The following DSCAM variants were observed in gnomAD, a reference collection of about 807,000 sequenced individuals.
DSCAM encodes the protein cell adhesion molecule DSCAM.
Under a neutral mutation model 217.7 loss-of-function variants are expected in DSCAM, and 47 were observed. That is an observed-to-expected ratio of 0.22 (90% CI 0.17 to 0.28). The LOEUF (loss-of-function observed/expected upper bound fraction) is 0.28, where lower values mean the gene tolerates loss of function less well. Ranked by LOEUF, DSCAM falls within the 10% of genes least tolerant of loss-of-function variation. The pLI, the probability that DSCAM is intolerant of heterozygous loss-of-function variation, is 1.00. For synonymous variants in DSCAM, 1,056 were observed against 1,015.3 expected (o/e 1.04, Z -0.76); for missense variants, 2,080 against 2,618.3 (o/e 0.79, Z 4.49).
chr21:40,498,456 T>G (rs537887804), intron 3 of DSCAM, among the ~76,000 whole-genome samples: 7 of 151,670 alleles, frequency 4.6e-5, no homozygotes, highest in Non-Finnish European at 8.8e-5. Context: ...ACAACTTCCC[T>G]AGGATTGGAA....
chr21:40,135,153 G>T (rs748510058), intron 18 of DSCAM, among the ~76,000 whole-genome samples: 1 of 152,208 alleles, frequency 6.6e-6, no homozygotes, highest in Non-Finnish European at 1.5e-5. Flanking sequence ...CCTAGGGGAA[G>T]GGGCTGTCAG....
intron 3 of DSCAM, among the ~76,000 whole-genome samples, chr21:40,637,590 TATAA>T (rs2089813881): frequency 2.8e-5 from 2 of 71,676 alleles, no homozygotes; most frequent in South Asian, 4.7e-4. Flanking sequence ...TATATACATA[TATAA>T]ATATATATAT....
At chr21:40,327,304 C>G (rs1218021227) in intron 8 of DSCAM, among the ~76,000 whole-genome samples, 6 of 152,032 alleles carry the variant, frequency 3.9e-5, no homozygotes, top group Non-Finnish European at 8.8e-5. Context: ...TCTAAGTTTC[C>G]CATGTTCAGC....
At chr21:40,723,863 A>G (rs1363400795) in intron 1 of DSCAM, among the ~76,000 whole-genome samples, 3 of 152,220 alleles carry the variant, frequency 2.0e-5, no homozygotes, top group African/African-American at 4.8e-5. Context: ...CTTTTTATCC[A>G]ATATTTGTAC....
At chr21:40,390,671 C>A (rs2075125953) in intron 3 of DSCAM, among the ~76,000 whole-genome samples, 1 of 152,118 alleles carries the variant, frequency 6.6e-6, no homozygotes, top group Non-Finnish European at 1.5e-5. Context: ...GCCTCAATGA[C>A]CCTGGATTAT....
chr21:40,334,789 G>A (rs901264091), intron 8 of DSCAM, among the ~76,000 whole-genome samples: 6 of 152,016 alleles, frequency 3.9e-5, no homozygotes, highest in Non-Finnish European at 5.9e-5. Context: ...CTGGGACTAC[G>A]GGCTCGTCCC....
chr21:40,185,829 G>A (rs920523590), intron 14 of DSCAM, among the ~76,000 whole-genome samples: 2 of 152,136 alleles, frequency 1.3e-5, no homozygotes, highest in Admixed American at 6.5e-5. Context: ...GCACTGTCTT[G>A]GGTGAGCCCC....
intron 8 of DSCAM, among the ~76,000 whole-genome samples, chr21:40,319,549 G>A (rs143368173): frequency 1.1e-4 from 16 of 152,204 alleles, no homozygotes; most frequent in Non-Finnish European, 1.5e-4. Context: ...CCATGAACGT[G>A]GGATCACAGG....
At chr21:40,669,947 T>TA (rs35330474) in intron 3 of DSCAM, among the ~76,000 whole-genome samples, 88,957 of 149,042 alleles carry the variant, frequency 0.6, 26,694 homozygotes, top group East Asian at 0.65. Flanking sequence ...ATGGCTATAA[T>TA]AAAAAAAAAA....
At chr21:40,118,119 CTT>C (rs2089993473) in intron 20 of DSCAM, among the ~76,000 whole-genome samples, 1 of 152,120 alleles carries the variant, frequency 6.6e-6, no homozygotes, top group African/African-American at 2.4e-5. Context: ...TTTTGAATGT[CTT>C]TAGGTAAAAA....
intron 1 of DSCAM, among the ~76,000 whole-genome samples, chr21:40,841,743 G>A (rs935953089): frequency 4.6e-5 from 7 of 152,216 alleles, no homozygotes; most frequent in African/African-American, 1.4e-4. Context: ...TGCCACCTCC[G>A]AGGCGCGCGC....
intron 3 of DSCAM, among the ~76,000 whole-genome samples, chr21:40,640,113 G>T (rs1439586615): frequency 3.1e-5 from 4 of 127,938 alleles, no homozygotes. Context: ...TGTGCATCTG[G>T]AGAAAACCCA....
At chr21:40,202,257 A>G (rs1359342264) in intron 11 of DSCAM, among the ~76,000 whole-genome samples, 1 of 152,234 alleles carries the variant, frequency 6.6e-6, no homozygotes, top group East Asian at 1.9e-4. Flanking sequence ...AGCAGTTTCC[A>G]TGTGGCTTGG....
intron 16 of DSCAM, among the ~76,000 whole-genome samples, chr21:40,145,571 G>A (rs544403470): frequency 1.1e-4 from 16 of 152,248 alleles, no homozygotes; most frequent in South Asian, 4.1e-4. Context: ...AAGGCTGGGC[G>A]CGGTGGCTCA....
rs182832458 is a variant in DSCAM, at chr21:40,253,659, C to T, written c.2356+22438G>A. Among the ~76,000 whole-genome samples, 38 of 152,316 alleles carry T rather than the reference C, an allele frequency of 2.5e-4. No individual in the cohort carries two copies. The East Asian group carries it at 6.6e-3, about 26-fold the overall frequency. On this transcript the variant is annotated intron_variant, in intron 11 of 32. Transcript: ENST00000400454. ...ATGTGGCCAATGATTTAATCAATCA[C>T]GCCTCCGTAATAAAACTTAGATAAA...
At chr21:40,731,728 A>ACCCCCCCCCCCCCCCCC (rs148482159) in intron 1 of DSCAM, among the ~76,000 whole-genome samples, 2 of 79,676 alleles carry the variant, frequency 2.5e-5, no homozygotes, top group African/African-American at 8.8e-5. Context: ...TTCCCACTGC[A>ACCCCCCCCCCCCCCCCC]CCCCCCCCCC....
chr21:40,360,913 C>A (rs980148966), intron 4 of DSCAM, among the ~76,000 whole-genome samples: 2 of 152,162 alleles, frequency 1.3e-5, no homozygotes, highest in Non-Finnish European at 2.9e-5. Flanking sequence ...AATGGCAGGA[C>A]TAAGTTACTT....
chr21:40,397,455 T>C (rs2075190059), intron 3 of DSCAM, among the ~76,000 whole-genome samples: 1 of 152,100 alleles, frequency 6.6e-6, no homozygotes, highest in African/African-American at 2.4e-5. Context: ...CCTTCCACCA[T>C]GATGAGAAGC....
intron 3 of DSCAM, among the ~76,000 whole-genome samples, chr21:40,634,429 C>T (rs1425152862): frequency 6.6e-6 from 1 of 152,166 alleles, no homozygotes; most frequent in Non-Finnish European, 1.5e-5. Flanking sequence ...AGTGGTACTA[C>T]ACTCCCACTT....
Sources: gnomAD v4.1 joint callset for allele counts (sites outside exome capture counted in the v4.1 genomes callset) on GRCh38, gnomAD v4.1.1 for gene constraint, MANE v1.5 for transcripts, NCBI Gene and HGNC (gene_info 2026-07-23, HGNC 2026-07-21) for gene names.